Variants in GALNTL6 observed in about 807,000 individuals in gnomAD.
GALNTL6 encodes the protein polypeptide N-acetylgalactosaminyltransferase-like 6.
In GALNTL6, 46 loss-of-function variants were observed where a neutral mutation model predicts 73.7. The ratio of observed to expected loss-of-function variants is 0.62; its 90% CI spans 0.49 to 0.80. The LOEUF (loss-of-function observed/expected upper bound fraction) is 0.80, where lower values mean the gene tolerates loss of function less well. GALNTL6 is among the 30% of genes least tolerant of loss of function. GALNTL6 has a pLI of 0.00. For synonymous variants in GALNTL6, 259 were observed against 263.7 expected (o/e 0.98, Z 0.17); for missense variants, 604 against 755.0 (o/e 0.80, Z 2.34).
rs57281407 is a variant in GALNTL6, at chr4:172,439,172, T to TCACA, written c.553+90519_553+90522dup. The stretch of plus-strand genomic sequence containing the variant: ...CCAGCTACCCATTTCTCTCTCCCCT[T>TCACA]CACACACACACACACACACACACAC... On this transcript the variant is annotated intron_variant, in intron 5 of 12. Coordinates refer to ENST00000506823, the MANE Select transcript of GALNTL6 (RefSeq NM_001034845.3). Among the ~76,000 whole-genome samples, 2,345 of 145,702 alleles carry TCACA rather than the reference T, an allele frequency of 0.016. 88 individuals carry two copies. The East Asian group carries it at 0.17, about 11-fold the overall frequency.
At chr4:172,575,820 G>C (rs1736938070) in intron 5 of GALNTL6, among the ~76,000 whole-genome samples, 1 of 152,148 alleles carries the variant, frequency 6.6e-6, no homozygotes, top group Non-Finnish European at 1.5e-5. Context: ...TGTAGAAATT[G>C]CTTCTGAAAT....
chr4:172,469,387 C>T (rs1732956252), intron 5 of GALNTL6, among the ~76,000 whole-genome samples: 1 of 151,814 alleles, frequency 6.6e-6, no homozygotes, highest in South Asian at 2.1e-4. Flanking sequence ...GGGAGAATCA[C>T]TTGAGGTCAG....
intron 3 of GALNTL6, among the ~76,000 whole-genome samples, chr4:172,254,069 A>G (rs1284671631): frequency 1.3e-5 from 2 of 151,838 alleles, no homozygotes; most frequent in Non-Finnish European, 2.9e-5. Flanking sequence ...AATACAGGTT[A>G]ATCGAAGAAT....
chr4:172,913,067 G>T (rs938945901), intron 8 of GALNTL6, among the ~76,000 whole-genome samples: 1 of 152,178 alleles, frequency 6.6e-6, no homozygotes, highest in African/African-American at 2.4e-5. Context: ...AATATTTGCT[G>T]TTCTGCCACC....
intron 10 of GALNTL6, among the ~76,000 whole-genome samples, chr4:173,002,517 G>A (rs758096438): frequency 6.7e-5 from 10 of 149,348 alleles, no homozygotes; most frequent in East Asian, 2.0e-4. Context: ...ATATGAGGTC[G>A]GGCATGGTGG....
intron 2 of GALNTL6, among the ~76,000 whole-genome samples, chr4:171,835,997 A>C (rs1166061418): frequency 1.3e-5 from 2 of 152,126 alleles, no homozygotes. Context: ...TACAATCATT[A>C]GATTTTATGT....
At chr4:172,799,154 A>G (rs1740457126) in intron 5 of GALNTL6, among the ~76,000 whole-genome samples, 1 of 152,212 alleles carries the variant, frequency 6.6e-6, no homozygotes, top group African/African-American at 2.4e-5. Context: ...CTCAATAGTC[A>G]CTAGATGCAA....
At chr4:172,528,712 T>G (rs933382488) in intron 5 of GALNTL6, among the ~76,000 whole-genome samples, 2 of 151,012 alleles carry the variant, frequency 1.3e-5, no homozygotes, top group African/African-American at 2.4e-5. Flanking sequence ...TTTCTAGAAT[T>G]AGAAACACTT....
intron 3 of GALNTL6, among the ~76,000 whole-genome samples, chr4:172,260,666 AT>A (rs1447436625): frequency 6.6e-6 from 1 of 151,574 alleles, no homozygotes; most frequent in Non-Finnish European, 1.5e-5. Context: ...GAAAGTGGGA[AT>A]CCTTGTCTTG....
chr4:172,876,967 G>T (rs1375678412), intron 7 of GALNTL6, among the ~76,000 whole-genome samples: 3 of 152,084 alleles, frequency 2.0e-5, no homozygotes, highest in Non-Finnish European at 4.4e-5. Flanking sequence ...GACTTGGATT[G>T]ACTGAGTCCT....
chr4:172,637,871 A>G (rs1739768095), intron 5 of GALNTL6, among the ~76,000 whole-genome samples: 1 of 152,094 alleles, frequency 6.6e-6, no homozygotes, highest in Non-Finnish European at 1.5e-5. Context: ...TTAGTTTCCC[A>G]TGCTTTAATC....
intron 5 of GALNTL6, among the ~76,000 whole-genome samples, chr4:172,804,730 A>C (rs1417426966): frequency 6.6e-6 from 1 of 152,200 alleles, no homozygotes; most frequent in Non-Finnish European, 1.5e-5. Context: ...TTCTGACATA[A>C]TAAGCATAAC....
intron 10 of GALNTL6, among the ~76,000 whole-genome samples, chr4:172,961,243 G>T (rs796299548): frequency 4.3e-5 from 6 of 138,492 alleles, no homozygotes; most frequent in African/African-American, 1.4e-4. Flanking sequence ...GGGTTGGGGG[G>T]TTCTTGCCCA....
At chr4:172,417,601 A>G (rs1561073765) in intron 5 of GALNTL6, among the ~76,000 whole-genome samples, 5 of 152,072 alleles carry the variant, frequency 3.3e-5, no homozygotes. Context: ...GTGAGCCGAG[A>G]TTTTGCCACT....
rs890131856 is a variant in GALNTL6 at position 173,025,560 on chromosome 4, T to C, written c.1638+3935T>C. On this transcript the variant is annotated intron_variant, in intron 12 of 12. Transcript: ENST00000506823. ...ATGGCTTCCTAAAGGGCTGCCCTGC[T>C]TCCTGTCTTTCCCCTTCCCCTTCCC... Among the ~76,000 whole-genome samples the C allele has an allele frequency of 2.6e-5, 4 of 152,192 alleles. No individual in the cohort carries two copies. The South Asian group carries it at 8.3e-4, about 32-fold the overall frequency.
intron 7 of GALNTL6, among the ~76,000 whole-genome samples, chr4:172,861,215 TGAGAAA>T (rs1744374301): frequency 6.6e-6 from 1 of 152,130 alleles, no homozygotes; most frequent in Non-Finnish European, 1.5e-5. Flanking sequence ...GATAAGCTGG[TGAGAAA>T]TAAACTTTTT....
intron 2 of GALNTL6, among the ~76,000 whole-genome samples, chr4:171,863,645 G>GAGC (rs1194268924): frequency 3.3e-5 from 5 of 151,924 alleles, no homozygotes; most frequent in African/African-American, 1.2e-4. Flanking sequence ...AGTTAACACT[G>GAGC]AGCTGGATAT....
intron 2 of GALNTL6, among the ~76,000 whole-genome samples, chr4:171,843,708 A>G (rs1171731069): frequency 6.6e-6 from 1 of 152,146 alleles, no homozygotes; most frequent in Non-Finnish European, 1.5e-5. Context: ...ATTTTGGATG[A>G]AGATGTTGGA....
chr4:172,136,243 T>A (rs1050675006), intron 2 of GALNTL6, among the ~76,000 whole-genome samples: 1 of 152,102 alleles, frequency 6.6e-6, no homozygotes. Context: ...AACTATTTGA[T>A]ATTTCAGACT....
Sources: gnomAD v4.1 joint callset for allele counts (sites outside exome capture counted in the v4.1 genomes callset) on GRCh38, gnomAD v4.1.1 for gene constraint, MANE v1.5 for transcripts, NCBI Gene and HGNC (gene_info 2026-07-23, HGNC 2026-07-21) for gene names.